GARS1: variants seen among roughly 807,000 people sequenced by gnomAD.
GARS1 encodes glycyl-tRNA synthetase 1, also known as glycine--tRNA ligase.
A neutral mutation model predicts 86.4 loss-of-function variants in GARS1; 46 were observed. That is an observed-to-expected ratio of 0.53 (90% CI 0.42 to 0.68). The LOEUF is 0.68. Ranked by LOEUF, GARS1 falls within the 30% of genes least tolerant of loss-of-function variation. The pLI is 0.00. For synonymous variants in GARS1, 342 were observed against 329.8 expected, an observed-to-expected ratio of 1.04 and a Z score of -0.40; for missense variants, 797 against 915.6, an observed-to-expected ratio of 0.87 and a Z score of 1.67.
chr7:30,617,506 C>G (rs1782913584), intron 10 of GARS1, among the ~76,000 whole-genome samples: 1 of 152,148 alleles, frequency 6.6e-6, no homozygotes, highest in Admixed American at 6.5e-5. Context: ...TATGATGGGA[C>G]AGTGCGGATG....
Position 30,599,940 on chromosome 7 carries a change from C to G in GARS1, c.325-7C>G, listed in dbSNP as rs776015041. 2 of 1,552,240 alleles carry G rather than the reference C, an allele frequency of 1.3e-6. No homozygotes were observed. Among genetic ancestry groups the G allele is most frequent in the South Asian group, 1.1e-5 (1 of 89,946 alleles). On this transcript the variant is annotated splice_polypyrimidine_tract_variant and splice_region_variant and intron_variant, in intron 2 of 16. Coordinates refer to ENST00000389266, the MANE Select transcript of GARS1 (RefSeq NM_002047.4). ...CACTCACTCACTTTTTATTTAATCT[C>G]TAACAGGAGCTGGCGTTACAGCCCA...
Position 30,598,847 on chromosome 7 carries a change from G to A in GARS1, c.274G>A (p.Asp92Asn). The change falls in exon 2 of 17, where the codon GAC (aspartate) becomes AAC (asparagine). Residue 92 changes from aspartate (D) to asparagine (N), a missense_variant. Transcript: ENST00000389266. ...KEDKAPQVDV[D>N]KAVAELKARK... The stretch of plus-strand genomic sequence containing the variant: ...AGATAAAGCACCCCAAGTAGACGTA[G>A]ACAAAGCAGTGGCTGAGCTCAAAGC... 5 of 1,614,192 alleles carry A rather than the reference G, an allele frequency of 3.1e-6. No homozygotes were observed. The highest frequency in any genetic ancestry group is 4.2e-6 in the Non-Finnish European group (5 of 1,180,020).
intron 13 of GARS1, 99 bp downstream of exon 13, chr7:30,626,418 G>A: frequency 1.3e-6 from 1 of 768,350 alleles, no homozygotes. Flanking sequence ...CTGGAGTGCA[G>A]TGGCACAACC....
Position 30,598,776 on chromosome 7 carries a change from A to G in GARS1, c.223-20A>G. On this transcript the variant is annotated intron_variant, in intron 1 of 16. Transcript: ENST00000389266. ...AACTTCTGAAACCAATCCTGAATAT[A>G]AATTCTCTTTCTTGGCTAGGGAGAT... 1.3e-6 allele frequency: 2 copies of G among 1,587,620 alleles called. No homozygotes were observed. The highest frequency in any genetic ancestry group is 1.7e-6 in the Non-Finnish European group (2 of 1,155,756).
Position 30,633,925 on chromosome 7 carries a change from C to T in GARS1, c.*65C>T. The T allele has an allele frequency of 6.4e-7, 1 of 1,563,686 alleles. No individual in the cohort carries two copies. The highest frequency in any genetic ancestry group is 8.7e-7 in the Non-Finnish European group (1 of 1,146,000). ...AAAAAAAAAAAACTACTCTTATGTCCACTTTACAAAAGAAAACAGCATTGT... is the reference window on the plus strand; with the variant it reads ...AAAAAAAAAAAACTACTCTTATGTCTACTTTACAAAAGAAAACAGCATTGT... On this transcript the variant is annotated 3_prime_UTR_variant, in exon 17 of 17. Transcript: ENST00000389266.
intron 13 of GARS1, among the ~76,000 whole-genome samples, chr7:30,628,177 T>G (rs1040341410): frequency 6.6e-6 from 1 of 151,526 alleles, no homozygotes; most frequent in African/African-American, 2.4e-5. Context: ...AGAATTTTTT[T>G]CTTTTCTTTT....
chr7:30,600,090 G>C (rs1791343067), intron 3 of GARS1, 41 bp downstream of exon 3: 1 of 1,364,820 alleles, frequency 7.3e-7, no homozygotes, highest in Non-Finnish European at 1.0e-6. Flanking sequence ...TGTTGTTAGT[G>C]GCTCTAATAT....
At chr7:30,598,655 A>G (rs1791311229) in intron 1 of GARS1, 141 bp from the exon 2 acceptor site, 7 of 701,272 alleles carry the variant, frequency 1.0e-5, no homozygotes, top group Admixed American at 6.1e-5. Flanking sequence ...AAGTGCTGGT[A>G]TTACAGGCGT....
chr7:30,599,798 T>C (rs1479515444), intron 2 of GARS1, 149 bp from the exon 3 acceptor site: 2 of 589,770 alleles, frequency 3.4e-6, no homozygotes, highest in Non-Finnish European at 6.0e-6. Context: ...AAAAGACCTA[T>C]GGCTTCTATT....
intron 10 of GARS1, among the ~76,000 whole-genome samples, chr7:30,617,541 G>A (rs1196185335): frequency 6.6e-6 from 1 of 152,170 alleles, no homozygotes; most frequent in Non-Finnish European, 1.5e-5. Context: ...CAGTGTATTG[G>A]CAGCATTACT....
At chr7:30,622,597 C>A in intron 12 of GARS1, 135 bp downstream of exon 12, 2 of 1,041,032 alleles carry the variant, frequency 1.9e-6, no homozygotes, top group Non-Finnish European at 2.9e-6. Context: ...AAAAGACTGT[C>A]TTTGCCGAGA....
Position 30,621,427 on chromosome 7 carries a change from C to A in GARS1, c.1394C>A (p.Ser465Tyr). ...GAGATTGTTGGATGTGCTGATCGTTCCTGTTATGACCTCTCCTGTCATGCA... is the reference window on the plus strand; with the variant it reads ...GAGATTGTTGGATGTGCTGATCGTTACTGTTATGACCTCTCCTGTCATGCA... Reference protein sequence around the residue: ...WIEIVGCADRSCYDLSCHARA... With the variant: ...WIEIVGCADRYCYDLSCHARA... Residue 465 changes from serine (S) to tyrosine (Y), a missense_variant, in exon 11 of 17, where the codon TCC (serine) becomes TAC (tyrosine). This residue lies in a region of GARS1 where 598 missense variants were observed against 738.7 expected (regional missense o/e 0.81). Coordinates refer to ENST00000389266, the MANE Select transcript of GARS1 (RefSeq NM_002047.4). 1 of 1,614,070 alleles carries A rather than the reference C, an allele frequency of 6.2e-7. No homozygotes were observed. The highest frequency in any genetic ancestry group is 8.5e-7 in the Non-Finnish European group (1 of 1,180,008).
intron 3 of GARS1, among the ~76,000 whole-genome samples, chr7:30,600,710 T>C (rs1448387222): frequency 6.6e-6 from 1 of 152,242 alleles, no homozygotes; most frequent in African/African-American, 2.4e-5. Flanking sequence ...AATTGGATGC[T>C]AAAATTATAG....
chr7:30,634,007 A>G lies in GARS1; in HGVS notation c.*147A>G. ...GTGGCTGCCTGATTTTACCCCCACA[A>G]TTAAAGTTGAAGGAATCCTGAACAA... On this transcript the variant is annotated 3_prime_UTR_variant, in exon 17 of 17. Transcript: ENST00000389266. The G allele has an allele frequency of 6.2e-6, 6 of 960,618 alleles. No individual in the cohort carries two copies. The highest frequency in any genetic ancestry group is 9.2e-6 in the Non-Finnish European group (6 of 649,218). The allele number at this position is 960,618 out of a possible 1,614,324, so 59.5% of individuals were successfully genotyped here. A position where few individuals can be genotyped will look rare whatever the true frequency, so the allele number is the denominator to read the frequency against.
intron 1 of GARS1, 108 bp downstream of exon 1, chr7:30,595,251 C>CT: frequency 5.6e-6 from 6 of 1,063,580 alleles, no homozygotes; most frequent in Non-Finnish European, 6.9e-6. Flanking sequence ...TCGGTTACCC[C>CT]TTTCTTTCCC....
At chr7:30,613,422 T>G (rs1194843826) in intron 8 of GARS1, among the ~76,000 whole-genome samples, 1 of 152,216 alleles carries the variant, frequency 6.6e-6, no homozygotes, top group African/African-American at 2.4e-5. Context: ...TGTTTTTTTG[T>G]TTTTCACCGT....
intron 12 of GARS1, 136 bp from the exon 13 acceptor site, chr7:30,626,098 G>A: frequency 1.6e-6 from 1 of 624,414 alleles, no homozygotes; most frequent in South Asian, 1.8e-5. Context: ...ATTTAAATTT[G>A]ACATCACTTA....
chr7:30,608,322 A>G (rs1394825734), intron 6 of GARS1, among the ~76,000 whole-genome samples: 1 of 152,190 alleles, frequency 6.6e-6, no homozygotes, highest in Non-Finnish European at 1.5e-5. Flanking sequence ...TTCTTTTTAA[A>G]TTATGCCTTT....
At chr7:30,625,495 T>C (rs1334317337) in intron 12 of GARS1, among the ~76,000 whole-genome samples, 5 of 152,140 alleles carry the variant, frequency 3.3e-5, no homozygotes, top group East Asian at 1.9e-4. Context: ...ACATGAGGGC[T>C]CTCTATCCTA....
Sources: allele counts gnomAD v4.1 joint callset (sites outside exome capture counted in the v4.1 genomes callset), GRCh38; gene constraint gnomAD v4.1.1; regional missense constraint gnomAD v4.1.1; transcripts MANE v1.5; gene names NCBI Gene and HGNC (gene_info 2026-07-23, HGNC 2026-07-21).